DIS3L: variants seen among roughly 807,000 people sequenced by gnomAD.
DIS3L encodes the protein DIS3 like exosome 3'-5' exoribonuclease, also known as DIS3-like exonuclease 1.
Under a neutral mutation model 120.3 loss-of-function variants are expected in DIS3L, and 100 were observed. That is an observed-to-expected ratio of 0.83 (90% CI 0.71 to 0.98). The LOEUF is 0.98. DIS3L is among the 50% of genes least tolerant of loss of function. The pLI is 0.00. For synonymous variants in DIS3L, 426 were observed against 470.6 expected, an observed-to-expected ratio of 0.91 and a Z score of 1.23; for missense variants, 1,196 against 1,314.2, an observed-to-expected ratio of 0.91 and a Z score of 1.39.
intron 2 of DIS3L, among the ~76,000 whole-genome samples, chr15:66,298,532 A>G (rs1222961831): frequency 6.6e-6 from 1 of 152,266 alleles, no homozygotes; most frequent in Non-Finnish European, 1.5e-5. Context: ...AAATCACCAG[A>G]GTTAGGTTTA....
In DIS3L at chr15:66,333,408, C is replaced by G; in HGVS notation, c.*96C>G. ...TGTGTCACTCAGTGCTCTAGTCGAT[C>G]AGGACTGGGTAGCTATTTCGCATAT... On this transcript the variant is annotated 3_prime_UTR_variant, in exon 17 of 17. Transcript: ENST00000319212. The G allele has an allele frequency of 7.6e-7, 1 of 1,319,842 alleles. No homozygotes were observed. The highest frequency in any genetic ancestry group is 1.0e-6 in the Non-Finnish European group (1 of 961,942). 81.8% of individuals were successfully genotyped at this position (1,319,842 alleles called of 1,614,324 possible).
At position 66,329,011 on chromosome 15, in the gene DIS3L, AC is replaced by A. The variant is rs1398363009; in HGVS notation, c.2248del (p.His750ThrfsTer5). 1 of 1,613,676 alleles carries A rather than the reference AC, an allele frequency of 6.2e-7. No individual in the cohort carries two copies. Among genetic ancestry groups the A allele is most frequent in the Non-Finnish European group, 8.5e-7 (1 of 1,179,976 alleles). On this transcript the variant is annotated frameshift_variant, in exon 13 of 17. Coordinates refer to ENST00000319212, the MANE Select transcript of DIS3L (RefSeq NM_001143688.3). LOFTEE classifies it high-confidence loss of function. ...GCTGATTCTCTGGATAATGCGAACG[AC>A]CCCCACGATCCCATTGTGAACAGGC... ...TLADSLDNAN[D>X]PHDPIVNRLL...
intron 2 of DIS3L, among the ~76,000 whole-genome samples, chr15:66,297,872 C>A (rs905177979): frequency 6.6e-6 from 1 of 151,968 alleles, no homozygotes; most frequent in Non-Finnish European, 1.5e-5. Flanking sequence ...GCCTCAGTTT[C>A]TTGATGGTAT....
chr15:66,295,976 A>C (rs924042220), intron 2 of DIS3L, among the ~76,000 whole-genome samples: 2 of 152,190 alleles, frequency 1.3e-5, no homozygotes, highest in African/African-American at 4.8e-5. Context: ...ATGGCAAAAA[A>C]TTGTCCTCTT....
chr15:66,317,856 AAG>A lies in DIS3L; in HGVS notation c.995-591_995-590del, dbSNP rs1211614040. 7.0e-4 allele frequency among the ~76,000 whole-genome samples: 72 copies of A among 102,540 alleles called. 1 individual carries two copies. Among genetic ancestry groups the A allele is most frequent in the Non-Finnish European group, 1.5e-3 (57 of 38,996 alleles). The allele number at this position is 102,540 out of a possible 152,430, so 67.3% of individuals were successfully genotyped here. ...TCCTGTTTCTTAAAAAAAAAAAAAA[AAG>A]AAACGAACAAAAACAAAAAGTGTTT... On this transcript the variant is annotated intron_variant, in intron 7 of 16. Coordinates refer to ENST00000319212, the MANE Select transcript of DIS3L (RefSeq NM_001143688.3).
chr15:66,305,285 C>T (rs940219294), intron 2 of DIS3L, among the ~76,000 whole-genome samples: 1 of 152,030 alleles, frequency 6.6e-6, no homozygotes, highest in African/African-American at 2.4e-5. Context: ...ATGTGTGAGC[C>T]ACCGCACCCA....
chr15:66,328,841 G>A (rs1472151662), intron 12 of DIS3L, 129 bp from the exon 13 acceptor site: 3 of 1,155,902 alleles, frequency 2.6e-6, no homozygotes, highest in Non-Finnish European at 3.6e-6. Flanking sequence ...AGGTGCTTCT[G>A]AAACGTGTCC....
rs1380694249 is a variant in DIS3L, at chr15:66,333,068, A to G, written c.2921A>G (p.Asn974Ser). Residue 974 changes from asparagine to serine, a missense_variant, in exon 17 of 17, where the codon AAC (asparagine) becomes AGC (serine). Coordinates refer to ENST00000319212, the MANE Select transcript of DIS3L (RefSeq NM_001143688.3). ...ACAATCAGACTTGAAATAATTAGTAACAAACCATACAAGATACCAAATACA... is the reference window on the plus strand; with the variant it reads ...ACAATCAGACTTGAAATAATTAGTAGCAAACCATACAAGATACCAAATACA... ...SDTIRLEIIS[N>S]KPYKIPNTEL... is the part of the protein sequence containing the mutation. 3.7e-6 allele frequency: 6 copies of G among 1,613,386 alleles called. No homozygotes were observed. The highest frequency in any genetic ancestry group is 5.1e-6 in the Non-Finnish European group (6 of 1,180,016).
In DIS3L at chr15:66,315,309, ATTTAT is replaced by A; in HGVS notation, c.994+97_994+101del. The stretch of plus-strand genomic sequence containing the variant: ...AATCCAGAAATACTGCCCTTATTTT[ATTTAT>A]TTATTTTATTTAAATTGACAAAAAC... On this transcript the variant is annotated intron_variant, in intron 7 of 16. Transcript: ENST00000319212. 3 of 1,185,994 alleles carry A rather than the reference ATTTAT, an allele frequency of 2.5e-6. No individual in the cohort carries two copies. In the South Asian group the frequency reaches 6.3e-5, roughly 25 times the overall value. 73.5% of individuals were successfully genotyped at this position (1,185,994 alleles called of 1,614,324 possible).
chr15:66,302,902 G>A (rs1355754324), intron 2 of DIS3L, among the ~76,000 whole-genome samples: 1 of 152,098 alleles, frequency 6.6e-6, no homozygotes, highest in Non-Finnish European at 1.5e-5. Flanking sequence ...ATGCCTTGTT[G>A]TCAGCCATCA....
rs1020070314 is a variant in DIS3L at position 66,332,121 on chromosome 15, A to C, written c.2681+101A>C. The C allele has an allele frequency of 2.6e-6, 3 of 1,162,512 alleles. No homozygotes were observed. The African/African-American group carries it at 4.7e-5, about 18-fold the overall frequency. 72.0% of individuals were successfully genotyped at this position (1,162,512 alleles called of 1,614,324 possible). ...AATTTATTAAAATATTTAAGCAACT[A>C]GTTATCATATGTACATAATGTAATG... On this transcript the variant is annotated intron_variant, in intron 15 of 16. Coordinates refer to ENST00000319212, the MANE Select transcript of DIS3L (RefSeq NM_001143688.3).
chr15:66,321,729 G>A (rs1171900449), intron 9 of DIS3L, among the ~76,000 whole-genome samples: 1 of 148,940 alleles, frequency 6.7e-6, no homozygotes, highest in Non-Finnish European at 1.5e-5. Context: ...TCGCACCGCT[G>A]CACTCCAGCC....
chr15:66,326,575 G>T, intron 12 of DIS3L: 1 of 586,830 alleles, frequency 1.7e-6, no homozygotes, highest in African/African-American at 1.9e-5. Context: ...TTTGTTCCTT[G>T]GTTTTTTGTT....
chr15:66,313,838 T>C (rs961927894), intron 5 of DIS3L, among the ~76,000 whole-genome samples: 1 of 150,360 alleles, frequency 6.7e-6, no homozygotes, highest in Non-Finnish European at 1.5e-5. Context: ...GAAAAAAGTG[T>C]ATATGTGTGT....
At position 66,318,515 on chromosome 15, in the gene DIS3L, A is replaced by C. The variant is rs1473754790; in HGVS notation, c.1061A>C (p.Glu354Ala). 1 of 1,613,948 alleles carries C rather than the reference A, an allele frequency of 6.2e-7. No homozygotes were observed. Among genetic ancestry groups the C allele is most frequent in the African/African-American group, 1.3e-5 (1 of 74,888 alleles). ...DYVVTFPSKEEVQSQGKNAQK... is the reference protein window; with the variant it reads ...DYVVTFPSKEAVQSQGKNAQK... ...GTGGTGACATTTCCGTCCAAAGAAG[A>C]GGTCCAATCTCAGGGCAAAAATGCT... The change falls in exon 8 of 17, where the codon GAG becomes GCG. Residue 354 changes from glutamate (E) to alanine (A), a missense_variant. Coordinates refer to ENST00000319212, the MANE Select transcript of DIS3L (RefSeq NM_001143688.3).
At chr15:66,296,790 G>A (rs983032001) in intron 2 of DIS3L, among the ~76,000 whole-genome samples, 5 of 152,154 alleles carry the variant, frequency 3.3e-5, no homozygotes, top group Non-Finnish European at 7.4e-5. Context: ...CCAAAGTGCT[G>A]GGATTACAGG....
intron 12 of DIS3L, among the ~76,000 whole-genome samples, chr15:66,328,477 G>T (rs2092961596): frequency 6.6e-6 from 1 of 152,094 alleles, no homozygotes; most frequent in Non-Finnish European, 1.5e-5. Flanking sequence ...ATCACTGAAG[G>T]CCAGGAGTTC....
At chr15:66,332,606 C>A in intron 15 of DIS3L, 130 bp from the exon 16 acceptor site, 1 of 869,730 alleles carries the variant, frequency 1.1e-6, no homozygotes, top group South Asian at 2.0e-5. Flanking sequence ...GAAATAAATA[C>A]GTGGAGGTAA....
chr15:66,302,611 G>C (rs1057274916), intron 2 of DIS3L, among the ~76,000 whole-genome samples: 2 of 152,138 alleles, frequency 1.3e-5, no homozygotes, highest in Non-Finnish European at 2.9e-5. Context: ...ACTGTCTGCT[G>C]TCTCGCACAT....
Sources: gnomAD v4.1 joint callset for allele counts (sites outside exome capture counted in the v4.1 genomes callset) on GRCh38, gnomAD v4.1.1 for gene constraint, MANE v1.5 for transcripts, NCBI Gene and HGNC (gene_info 2026-07-23, HGNC 2026-07-21) for gene names.